Variants in BCL7C observed in about 807,000 individuals in gnomAD.
BCL7C encodes the protein B-cell CLL/lymphoma 7 protein family member C.
In BCL7C, 8 loss-of-function variants were observed where a neutral mutation model predicts 26.2. That is an observed-to-expected ratio of 0.30 (90% CI 0.18 to 0.55). The LOEUF is 0.55. Ranked by LOEUF, BCL7C falls within the 20% of genes least tolerant of loss-of-function variation. The pLI, the probability that BCL7C is intolerant of heterozygous loss-of-function variation, is 0.93. For missense variants in BCL7C, 262 were observed against 298.5 expected (o/e 0.88, Z 0.90); for synonymous variants, 90 against 116.5 (o/e 0.77, Z 1.47).
chr16:30,880,147 C>T (rs1279260370), intron 5 of BCL7C, among the ~76,000 whole-genome samples: 2 of 151,772 alleles, frequency 1.3e-5, no homozygotes, highest in African/African-American at 2.4e-5. Context: ...TACCCAGTTA[C>T]TTGGGGGAGG....
chr16:30,840,955 C>G (rs999909198), intron 5 of BCL7C, among the ~76,000 whole-genome samples: 1 of 152,134 alleles, frequency 6.6e-6, no homozygotes, highest in African/African-American at 2.4e-5. Flanking sequence ...CTATAATTCA[C>G]GATGAGATTT....
chr16:30,865,654 T>C lies in BCL7C; in HGVS notation c.528+23206A>G, dbSNP rs150165753. Among the ~76,000 whole-genome samples the C allele has an allele frequency of 5.0e-4, 76 of 152,028 alleles. No individual in the cohort carries two copies. In the East Asian group the frequency reaches 0.013, roughly 26 times the overall value. Reference sequence around the variant, plus strand: ...GCAGTAGGACTCTAGGTGGCAGGAATAGTGTTACTCTCATTTTTCCTCATC... The same window carrying C: ...GCAGTAGGACTCTAGGTGGCAGGAACAGTGTTACTCTCATTTTTCCTCATC... On this transcript the variant is annotated intron_variant, in intron 5 of 5. Transcript: ENST00000380317.
chr16:30,850,081 G>A (rs965540511), intron 5 of BCL7C, among the ~76,000 whole-genome samples: 3 of 151,726 alleles, frequency 2.0e-5, no homozygotes, highest in Admixed American at 2.0e-4. Context: ...ATGGTGGCAG[G>A]CACCTGTAGT....
intron 5 of BCL7C, among the ~76,000 whole-genome samples, chr16:30,860,098 C>A (rs1257836217): frequency 7.5e-6 from 1 of 133,906 alleles, no homozygotes; most frequent in Non-Finnish European, 1.6e-5. Context: ...CTTCAATCTC[C>A]CTGTCCTTCC....
chr16:30,861,902 C>T (rs1031860237), intron 5 of BCL7C, among the ~76,000 whole-genome samples: 1 of 132,082 alleles, frequency 7.6e-6, no homozygotes, highest in Non-Finnish European at 1.6e-5. Flanking sequence ...TTCGCTCTGT[C>T]ACCCAGGCTG....
At chr16:30,853,213 C>T (rs2054691734) in intron 5 of BCL7C, among the ~76,000 whole-genome samples, 2 of 152,158 alleles carry the variant, frequency 1.3e-5, no homozygotes, top group Admixed American at 6.5e-5. Context: ...GCTGGGATTA[C>T]AGGCATGAGC....
At chr16:30,843,571 A>C (rs924711033) in intron 5 of BCL7C, among the ~76,000 whole-genome samples, 1 of 151,766 alleles carries the variant, frequency 6.6e-6, no homozygotes, top group Non-Finnish European at 1.5e-5. Flanking sequence ...AAAAAACAAA[A>C]AAAAAAAGTT....
At chr16:30,848,061 G>A (rs920417993) in intron 5 of BCL7C, among the ~76,000 whole-genome samples, 4 of 152,008 alleles carry the variant, frequency 2.6e-5, no homozygotes, top group Non-Finnish European at 5.9e-5. Flanking sequence ...GTTAGCTTGT[G>A]TACCTGAATT....
intron 5 of BCL7C, among the ~76,000 whole-genome samples, chr16:30,838,832 C>T (rs563336984): frequency 6.6e-6 from 1 of 152,270 alleles, no homozygotes; most frequent in South Asian, 2.1e-4. Flanking sequence ...TATATCAGAC[C>T]AGTGGCAAAA....
At chr16:30,845,047 C>T (rs1011972720) in intron 5 of BCL7C, among the ~76,000 whole-genome samples, 1 of 152,112 alleles carries the variant, frequency 6.6e-6, no homozygotes, top group Non-Finnish European at 1.5e-5. Context: ...CTCAAAGACC[C>T]CAGTTTGCAA....
chr16:30,892,992 C>A, intron 2 of BCL7C, 44 bp from the exon 3 acceptor site: 1 of 1,557,082 alleles, frequency 6.4e-7, no homozygotes, highest in Non-Finnish European at 8.8e-7. Context: ...GAAAGCCCCA[C>A]CATACACCTA....
chr16:30,869,590 A>T (rs2054865586), intron 5 of BCL7C, among the ~76,000 whole-genome samples: 1 of 150,424 alleles, frequency 6.6e-6, no homozygotes, highest in Middle Eastern at 3.2e-3. Flanking sequence ...AAGCTACTGT[A>T]GCCTTGAAAC....
At chr16:30,841,977 A>G (rs1215573578) in intron 5 of BCL7C, among the ~76,000 whole-genome samples, 1 of 132,976 alleles carries the variant, frequency 7.5e-6, no homozygotes, top group Admixed American at 7.9e-5. Flanking sequence ...AAAAAAAAAA[A>G]GCTCAGGGCC....
chr16:30,864,974 C>G (rs894058104), intron 5 of BCL7C, among the ~76,000 whole-genome samples: 10 of 151,800 alleles, frequency 6.6e-5, no homozygotes, highest in African/African-American at 2.4e-4. Context: ...CGAGATCATC[C>G]TGGCTAACAC....
At chr16:30,871,643 C>A (rs1325578055) in intron 5 of BCL7C, among the ~76,000 whole-genome samples, 1 of 152,104 alleles carries the variant, frequency 6.6e-6, no homozygotes, top group Non-Finnish European at 1.5e-5. Flanking sequence ...CACCACCACA[C>A]CTGGCTTATT....
chr16:30,886,175 G>T (rs1440357771), downstream of BCL7C, among the ~76,000 whole-genome samples: 1 of 152,010 alleles, frequency 6.6e-6, no homozygotes, highest in Non-Finnish European at 1.5e-5. Context: ...TTCCAATTTG[G>T]TCCTCTCTGA....
At chr16:30,855,033 T>C (rs1367313576) in intron 5 of BCL7C, among the ~76,000 whole-genome samples, 1 of 152,118 alleles carries the variant, frequency 6.6e-6, no homozygotes, top group Non-Finnish European at 1.5e-5. Flanking sequence ...ATTAATAACA[T>C]AATTAATCCT....
chr16:30,839,595 A>G (rs2054589582), intron 5 of BCL7C, among the ~76,000 whole-genome samples: 1 of 152,242 alleles, frequency 6.6e-6, no homozygotes, highest in African/African-American at 2.4e-5. Context: ...GCTGACTTGA[A>G]GAAGGAGGCA....
chr16:30,859,575 C>T (rs2054752309), intron 5 of BCL7C, among the ~76,000 whole-genome samples: 1 of 152,132 alleles, frequency 6.6e-6, no homozygotes, highest in Non-Finnish European at 1.5e-5. Flanking sequence ...TGATGACGTT[C>T]CACCATTGTG....
Sources: allele counts gnomAD v4.1 joint callset (sites outside exome capture counted in the v4.1 genomes callset), GRCh38; gene constraint gnomAD v4.1.1; transcripts MANE v1.5; gene names NCBI Gene and HGNC (gene_info 2026-07-23, HGNC 2026-07-21).